ZFPM2: variants seen among roughly 807,000 people sequenced by gnomAD.
ZFPM2 encodes the protein zinc finger protein ZFPM2.
ZFPM2 carries 20 observed loss-of-function variants against 98.6 expected under a neutral mutation model. The ratio of observed to expected loss-of-function variants is 0.20; its 90% CI spans 0.14 to 0.29. The LOEUF (loss-of-function observed/expected upper bound fraction) is 0.29, where lower values mean the gene tolerates loss of function less well. ZFPM2 is among the 10% of genes least tolerant of loss of function. The pLI, the probability that ZFPM2 is intolerant of heterozygous loss-of-function variation, is 1.00. For missense variants in ZFPM2, 1,310 were observed against 1,388.6 expected, an observed-to-expected ratio of 0.94 and a Z score of 0.90; for synonymous variants, 518 against 502.7, an observed-to-expected ratio of 1.03 and a Z score of -0.41.
chr8:105,754,798 A>G (rs975807953), intron 5 of ZFPM2, among the ~76,000 whole-genome samples: 1 of 152,052 alleles, frequency 6.6e-6, no homozygotes, highest in Admixed American at 6.6e-5. Context: ...AAGCCCAAAC[A>G]TGACGGTTGC....
At chr8:105,509,945 G>A (rs1813781677) in intron 3 of ZFPM2, among the ~76,000 whole-genome samples, 1 of 152,156 alleles carries the variant, frequency 6.6e-6, no homozygotes, top group African/African-American at 2.4e-5. Context: ...GTATCACACT[G>A]ATACGGTTAG....
intron 5 of ZFPM2, among the ~76,000 whole-genome samples, chr8:105,751,297 AATG>A (rs1812470355): frequency 6.6e-6 from 1 of 152,142 alleles, no homozygotes; most frequent in Non-Finnish European, 1.5e-5. Context: ...AAATAAAAAT[AATG>A]ATAACTGATA....
At chr8:105,400,684 T>C (rs1811322624) in intron 1 of ZFPM2, among the ~76,000 whole-genome samples, 1 of 152,184 alleles carries the variant, frequency 6.6e-6, no homozygotes, top group South Asian at 2.1e-4. Flanking sequence ...GGTTGGACTA[T>C]AGTATTTGTT....
At chr8:105,618,837 A>G (rs186504333) in intron 4 of ZFPM2, among the ~76,000 whole-genome samples, 2 of 152,244 alleles carry the variant, frequency 1.3e-5, no homozygotes, top group Admixed American at 1.3e-4. Context: ...ATTTTAAACT[A>G]TCTTTTTACT....
intron 5 of ZFPM2, among the ~76,000 whole-genome samples, chr8:105,674,339 A>G (rs571910819): frequency 5.8e-4 from 88 of 152,340 alleles, no homozygotes; most frequent in Admixed American, 2.3e-3. Flanking sequence ...TGCAAGACAC[A>G]TTGACTGGGA....
intron 4 of ZFPM2, among the ~76,000 whole-genome samples, chr8:105,604,765 G>A (rs867759897): frequency 4.6e-5 from 7 of 152,112 alleles, no homozygotes; most frequent in East Asian, 1.9e-4. Flanking sequence ...TTCTCTGGAC[G>A]AACTTAAACA....
In ZFPM2 at chr8:105,722,972, G is replaced by A. The variant is rs145119698; in HGVS notation, c.533-65746G>A. Among the ~76,000 whole-genome samples, 46 of 151,842 alleles carry A rather than the reference G, an allele frequency of 3.0e-4. No individual in the cohort carries two copies. In the East Asian group the frequency reaches 8.0e-3, roughly 26 times the overall value. On this transcript the variant is annotated intron_variant, in intron 5 of 7. Transcript: ENST00000407775. ...GAAACCAAAGTGGTCTTGAATAATCGGAATCCTTCTGCCAGATTATCTAAT... is the reference window on the plus strand; with the variant it reads ...GAAACCAAAGTGGTCTTGAATAATCAGAATCCTTCTGCCAGATTATCTAAT...
At chr8:105,341,373 A>G (rs1292673703) in intron 1 of ZFPM2, among the ~76,000 whole-genome samples, 4 of 151,874 alleles carry the variant, frequency 2.6e-5, no homozygotes, top group Non-Finnish European at 5.9e-5. Context: ...GTGAATTTCT[A>G]TCACAAAATA....
intron 1 of ZFPM2, chr8:105,387,212 A>C (rs141987224): frequency 0.025 from 3,762 of 152,864 alleles, 58 homozygotes; most frequent in Admixed American, 0.035. Context: ...ACAATCCCTT[A>C]GCTAGACATA....
At chr8:105,492,097 A>C (rs1255952656) in intron 3 of ZFPM2, among the ~76,000 whole-genome samples, 2 of 152,184 alleles carry the variant, frequency 1.3e-5, no homozygotes, top group African/African-American at 4.8e-5. Flanking sequence ...CATCAACAAT[A>C]ATCCTTATGG....
At chr8:105,418,694 T>C in intron 1 of ZFPM2, 4 of 495,422 alleles carry the variant, frequency 8.1e-6, no homozygotes, top group African/African-American at 2.0e-5. Flanking sequence ...GTATAGACTT[T>C]ATTAAAATCT....
chr8:105,741,884 G>T (rs1812222818), intron 5 of ZFPM2, among the ~76,000 whole-genome samples: 1 of 152,082 alleles, frequency 6.6e-6, no homozygotes, highest in Non-Finnish European at 1.5e-5. Flanking sequence ...TAAAATGAAG[G>T]AAGAAGGGGT....
intron 4 of ZFPM2, among the ~76,000 whole-genome samples, chr8:105,572,040 T>G (rs1166901482): frequency 8.0e-6 from 1 of 125,548 alleles, no homozygotes; most frequent in Non-Finnish European, 1.7e-5. Context: ...TTTCTTTTTT[T>G]TTTTTTTTTT....
intron 3 of ZFPM2, among the ~76,000 whole-genome samples, chr8:105,523,692 C>T (rs112624700): frequency 0.012 from 1,755 of 152,302 alleles, 29 homozygotes; most frequent in African/African-American, 0.04. Flanking sequence ...GTGAAATTCT[C>T]TGCAGACTGA....
intron 1 of ZFPM2, among the ~76,000 whole-genome samples, chr8:105,379,511 T>C (rs1487390119): frequency 6.6e-6 from 1 of 152,146 alleles, no homozygotes; most frequent in Non-Finnish European, 1.5e-5. Context: ...CCCAGCACTT[T>C]GGGAGGCCAG....
In ZFPM2 at chr8:105,684,206, A is replaced by G. The variant is rs118113994; in HGVS notation, c.532+49849A>G. Among the ~76,000 whole-genome samples the G allele has an allele frequency of 4.5e-4, 68 of 152,258 alleles. No individual in the cohort carries two copies. The East Asian group carries it at 0.013, about 28-fold the overall frequency. On this transcript the variant is annotated intron_variant, in intron 5 of 7. Coordinates refer to ENST00000407775, the MANE Select transcript of ZFPM2 (RefSeq NM_012082.4). Reference sequence around the variant, plus strand: ...TAACCGAGTTATACTTAATATAGAAATGACTCCAGTTAGTTATTACTTAAT... The same window carrying G: ...TAACCGAGTTATACTTAATATAGAAGTGACTCCAGTTAGTTATTACTTAAT...
intron 4 of ZFPM2, among the ~76,000 whole-genome samples, chr8:105,630,048 A>G (rs571147860): frequency 6.6e-6 from 1 of 152,172 alleles, no homozygotes; most frequent in African/African-American, 2.4e-5. Context: ...TTGGGAGACC[A>G]TTTTCCTGCC....
At chr8:105,776,354 T>A (rs756675915) in intron 5 of ZFPM2, among the ~76,000 whole-genome samples, 8 of 152,228 alleles carry the variant, frequency 5.3e-5, no homozygotes, top group Non-Finnish European at 1.0e-4. Context: ...ATATTATCTG[T>A]TGAATTTACA....
At chr8:105,757,543 C>A (rs530451218) in intron 5 of ZFPM2, among the ~76,000 whole-genome samples, 1 of 152,150 alleles carries the variant, frequency 6.6e-6, no homozygotes, top group Non-Finnish European at 1.5e-5. Flanking sequence ...TTGGAATATA[C>A]TTTATGACTC....
Sources: allele counts gnomAD v4.1 joint callset (sites outside exome capture counted in the v4.1 genomes callset), GRCh38; gene constraint gnomAD v4.1.1; transcripts MANE v1.5; gene names NCBI Gene and HGNC (gene_info 2026-07-23, HGNC 2026-07-21).